The following KLF12 variants were observed in gnomAD, a reference collection of about 807,000 sequenced individuals.
KLF12 encodes the protein KLF transcription factor 12.
A neutral mutation model predicts 37.8 loss-of-function variants in KLF12; 9 were observed. The ratio of observed to expected loss-of-function variants is 0.24; its 90% CI spans 0.14 to 0.42. KLF12 has a LOEUF of 0.42. KLF12 is among the 10% of genes least tolerant of loss of function. The pLI is 1.00. For missense variants in KLF12, 411 were observed against 516.0 expected, an observed-to-expected ratio of 0.80 and a Z score of 1.97; for synonymous variants, 208 against 202.1, an observed-to-expected ratio of 1.03 and a Z score of -0.25.
At chr13:73,791,461 T>G (rs1165065223) in intron 5 of KLF12, among the ~76,000 whole-genome samples, 2 of 152,194 alleles carry the variant, frequency 1.3e-5, no homozygotes, top group African/African-American at 2.4e-5. Flanking sequence ...AAAATATATA[T>G]TGTCTTCTTT....
intron 1 of KLF12, among the ~76,000 whole-genome samples, chr13:74,124,392 C>G (rs1877817254): frequency 6.6e-6 from 1 of 152,166 alleles, no homozygotes; most frequent in Non-Finnish European, 1.5e-5. Context: ...TTCCATTGTT[C>G]TCACGTTTTA....
chr13:74,207,371 A>G, the KLF12 span, among the ~76,000 whole-genome samples: 1 of 152,214 alleles, frequency 6.6e-6, no homozygotes, highest in South Asian at 2.1e-4. Flanking sequence ...ATTGCTTAGG[A>G]CAGGAATAAA....
chr13:74,273,893 G>T, the KLF12 span, among the ~76,000 whole-genome samples: 1 of 152,026 alleles, frequency 6.6e-6, no homozygotes, highest in Non-Finnish European at 1.5e-5. Context: ...ATAATACGAA[G>T]TATTATTTTA....
chr13:73,977,382 T>C (rs1204680093), intron 2 of KLF12, among the ~76,000 whole-genome samples: 2 of 152,154 alleles, frequency 1.3e-5, no homozygotes, highest in Non-Finnish European at 2.9e-5. Flanking sequence ...ACAAAGCATT[T>C]ACAAAAATTA....
intron 2 of KLF12, among the ~76,000 whole-genome samples, chr13:73,946,709 T>C (rs538162571): frequency 1.3e-5 from 2 of 152,350 alleles, no homozygotes; most frequent in Non-Finnish European, 2.9e-5. Context: ...TGTTCACAGC[T>C]GGGGAACTAA....
chr13:73,761,516 C>T (rs1886234), intron 6 of KLF12, among the ~76,000 whole-genome samples: 64,785 of 151,942 alleles, frequency 0.43, 14,249 homozygotes, highest in African/African-American at 0.51. Context: ...GTTTCTCCCG[C>T]TTATTTACCT....
At chr13:74,061,620 T>C (rs1873596069) in intron 1 of KLF12, among the ~76,000 whole-genome samples, 1 of 152,170 alleles carries the variant, frequency 6.6e-6, no homozygotes, top group African/African-American at 2.4e-5. Context: ...TCCCAAGTTC[T>C]AGCAAATAAT....
the KLF12 span, among the ~76,000 whole-genome samples, chr13:74,241,275 C>A: frequency 8.5e-5 from 13 of 152,170 alleles, no homozygotes; most frequent in Non-Finnish European, 1.5e-4. Flanking sequence ...GGGTCAGGGA[C>A]CCACTTGAGG....
the KLF12 span, among the ~76,000 whole-genome samples, chr13:74,159,247 A>C: frequency 6.6e-6 from 1 of 152,282 alleles, no homozygotes; most frequent in Admixed American, 6.5e-5. Flanking sequence ...CCTTCAGAAA[A>C]GGGTGCACCC....
chr13:74,144,192 G>A, the KLF12 span, among the ~76,000 whole-genome samples: 1 of 152,284 alleles, frequency 6.6e-6, no homozygotes, highest in East Asian at 1.9e-4. Context: ...CATACAATGA[G>A]GAACGTGAGG....
At chr13:74,294,367 A>T in the KLF12 span, among the ~76,000 whole-genome samples, 2 of 152,060 alleles carry the variant, frequency 1.3e-5, no homozygotes, top group Non-Finnish European at 1.5e-5. Context: ...CCCCAAATTA[A>T]TAAGAGAATT....
chr13:73,856,623 C>T (rs1015721302), intron 3 of KLF12, among the ~76,000 whole-genome samples: 4 of 151,970 alleles, frequency 2.6e-5, no homozygotes, highest in Non-Finnish European at 5.9e-5. Flanking sequence ...CAACATCTAT[C>T]CCTAACTACT....
chr13:73,866,302 T>C (rs1432611355), intron 3 of KLF12, among the ~76,000 whole-genome samples: 1 of 152,010 alleles, frequency 6.6e-6, no homozygotes, highest in East Asian at 1.9e-4. Context: ...ACAGGAAAGG[T>C]ATTACATGTG....
intron 4 of KLF12, among the ~76,000 whole-genome samples, chr13:73,818,303 G>A (rs933064890): frequency 3.9e-5 from 6 of 152,348 alleles, no homozygotes; most frequent in African/African-American, 1.2e-4. Context: ...CAGCCACTGC[G>A]CCGGCCGAAC....
At chr13:73,856,051 T>C (rs1054812392) in intron 3 of KLF12, among the ~76,000 whole-genome samples, 1 of 152,180 alleles carries the variant, frequency 6.6e-6, no homozygotes, top group African/African-American at 2.4e-5. Context: ...CACAGGTATA[T>C]GTAATTAATG....
At chr13:74,008,366 G>A (rs541972903) in intron 1 of KLF12, among the ~76,000 whole-genome samples, 1 of 152,226 alleles carries the variant, frequency 6.6e-6, no homozygotes, top group South Asian at 2.1e-4. Context: ...CCAAGCAACT[G>A]GAAACACATC....
intron 6 of KLF12, among the ~76,000 whole-genome samples, chr13:73,750,245 T>C (rs1160871100): frequency 6.6e-6 from 1 of 152,220 alleles, no homozygotes; most frequent in Non-Finnish European, 1.5e-5. Context: ...CATCAAAATG[T>C]GGAAAGGGAA....
chr13:73,995,234 C>T (rs1030358590), intron 1 of KLF12, among the ~76,000 whole-genome samples, 181 bp from the exon 2 acceptor site: 3 of 151,976 alleles, frequency 2.0e-5, no homozygotes, highest in African/African-American at 7.3e-5. Context: ...CATCAAAGGG[C>T]AAAATGCAGT....
rs1566331275 is a variant in KLF12, at chr13:73,738,116, T to TACACACACACATATATGTATGTGTAC, written c.870-22592_870-22591insGTACACATACATATATGTGTGTGTGT. ...ACATATATATATATATATATATATATATATATATACACACACACACATATA... is the reference window on the plus strand; with the variant it reads ...ACATATATATATATATATATATATATACACACACACATATATGTATGTGTACATATATATACACACACACACATATA... On this transcript the variant is annotated intron_variant, in intron 6 of 7. Transcript: ENST00000377669. 2.7e-3 allele frequency among the ~76,000 whole-genome samples: 177 copies of TACACACACACATATATGTATGTGTAC among 66,550 alleles called. 1 individual carries two copies. Among genetic ancestry groups the TACACACACACATATATGTATGTGTAC allele is most frequent in the Non-Finnish European group, 3.1e-3 (109 of 34,902 alleles). The allele number at this position is 66,550 out of a possible 152,430, so 43.7% of individuals were successfully genotyped here.
Sources: allele counts gnomAD v4.1 joint callset (sites outside exome capture counted in the v4.1 genomes callset), GRCh38; gene constraint gnomAD v4.1.1; transcripts MANE v1.5; gene names NCBI Gene and HGNC (gene_info 2026-07-23, HGNC 2026-07-21).